The following VWA3B variants were observed in gnomAD, a reference collection of about 807,000 sequenced individuals.
The protein encoded by VWA3B is von Willebrand factor A domain-containing protein 3B.
VWA3B carries 138 observed loss-of-function variants against 158.3 expected under a neutral mutation model. The ratio of observed to expected loss-of-function variants is 0.87; its 90% confidence interval spans 0.76 to 1.00. The LOEUF (loss-of-function observed/expected upper bound fraction) is 1.00. VWA3B is among the 50% of genes least tolerant of loss of function. The probability of loss-of-function intolerance (pLI) is 0.00; values close to 1 mark genes in which losing one functional copy is unlikely to be tolerated. For synonymous variants in VWA3B, 596 were observed against 587.3 expected (o/e 1.01, Z -0.21); for missense variants, 1,555 against 1,565.1 (o/e 0.99, Z 0.11).
chr2:98,238,630 A>G (rs1266888078), intron 19 of VWA3B, among the ~76,000 whole-genome samples: 1 of 152,194 alleles, frequency 6.6e-6, no homozygotes, highest in African/African-American at 2.4e-5. Context: ...CAAGGAAGAA[A>G]CAATAAAGGA....
At chr2:98,275,366 A>G (rs560085218) in intron 22 of VWA3B, among the ~76,000 whole-genome samples, 4 of 152,290 alleles carry the variant, frequency 2.6e-5, no homozygotes, top group Admixed American at 2.6e-4. Flanking sequence ...GGAGTTTAGG[A>G]GAGAGGCCAG....
intron 13 of VWA3B, among the ~76,000 whole-genome samples, chr2:98,213,183 T>G (rs1014765072): frequency 6.6e-6 from 1 of 151,924 alleles, no homozygotes; most frequent in African/African-American, 2.4e-5. Context: ...TGGAAATATG[T>G]GGGGGGCTCA....
chr2:98,284,586 ATATAAC>A (rs1388290419), intron 22 of VWA3B, among the ~76,000 whole-genome samples: 1 of 152,232 alleles, frequency 6.6e-6, no homozygotes, highest in Admixed American at 6.5e-5. Context: ...TTTATTTATG[ATATAAC>A]TATAGCATGG....
At position 98,312,042 on chromosome 2, in the gene VWA3B, A is replaced by T; in HGVS notation, c.3735+10A>T. 6.3e-7 allele frequency: 1 copy of T among 1,592,084 alleles called. No homozygotes were observed. On this transcript the variant is annotated intron_variant, in intron 27 of 27. Transcript: ENST00000477737. ...ACACCCCGAGCCCAGGGTTTGGGTG[A>T]TGGGGGGGGAACACAACATCGCTTA...
At chr2:98,254,612 G>C (rs13422411) in intron 20 of VWA3B, among the ~76,000 whole-genome samples, 6,362 of 152,224 alleles carry the variant, frequency 0.042, 424 homozygotes, top group African/African-American at 0.14. Flanking sequence ...CTATCACTTA[G>C]AGCACATTTA....
chr2:98,099,961 C>T (rs183598216), intron 2 of VWA3B, among the ~76,000 whole-genome samples: 1 of 152,156 alleles, frequency 6.6e-6, no homozygotes, highest in African/African-American at 2.4e-5. Flanking sequence ...TTATGGTTTT[C>T]CTTATTTTGT....
At chr2:98,104,735 TC>T (rs1361692817) in intron 2 of VWA3B, among the ~76,000 whole-genome samples, 2 of 152,250 alleles carry the variant, frequency 1.3e-5, no homozygotes, top group Admixed American at 6.5e-5. Flanking sequence ...TCTGTGTTTC[TC>T]CTTTTGGCCT....
chr2:98,196,258 G>A (rs913309999), intron 12 of VWA3B, among the ~76,000 whole-genome samples: 1 of 152,110 alleles, frequency 6.6e-6, no homozygotes, highest in Non-Finnish European at 1.5e-5. Context: ...ATTGTCAAGA[G>A]AGTAAATTTT....
At chr2:98,213,391 G>A (rs530353065) in intron 13 of VWA3B, among the ~76,000 whole-genome samples, 8 of 152,306 alleles carry the variant, frequency 5.3e-5, no homozygotes, top group African/African-American at 1.9e-4. Context: ...AGGAAAGGCT[G>A]GCGCTGCCAT....
intron 8 of VWA3B, among the ~76,000 whole-genome samples, chr2:98,178,149 G>T (rs1455444278): frequency 6.6e-6 from 1 of 152,186 alleles, no homozygotes; most frequent in East Asian, 1.9e-4. Context: ...TGATGGGAGA[G>T]AGTGTGCAGG....
At chr2:98,170,212 C>T (rs1679464626) in intron 8 of VWA3B, among the ~76,000 whole-genome samples, 1 of 152,190 alleles carries the variant, frequency 6.6e-6, no homozygotes, top group African/African-American at 2.4e-5. Context: ...TGCTGCCTCT[C>T]AAAGCATTTC....
chr2:98,199,372 G>T (rs1243531105), intron 12 of VWA3B, among the ~76,000 whole-genome samples: 3 of 152,174 alleles, frequency 2.0e-5, no homozygotes, highest in African/African-American at 7.2e-5. Flanking sequence ...AAGGGCCTGA[G>T]ATTTTACCTT....
chr2:98,089,200 A>G (rs959197491), intron 1 of VWA3B, among the ~76,000 whole-genome samples: 3 of 152,116 alleles, frequency 2.0e-5, no homozygotes, highest in African/African-American at 7.2e-5. Flanking sequence ...AGTTTTATTC[A>G]TCTCAACTCT....
rs373474262 is a variant in VWA3B at position 98,185,622 on chromosome 2, G to A, written c.1312-2353G>A. Among the ~76,000 whole-genome samples the A allele has an allele frequency of 3.5e-4, 53 of 152,318 alleles. No homozygotes were observed. In the East Asian group the frequency reaches 5.8e-3, roughly 17 times the overall value. ...CTCTCTGCAGGTGAGCTTGCTTCCT[G>A]TGTTGTGAACATCGACGGGAATGTC... On this transcript the variant is annotated intron_variant, in intron 9 of 27. Coordinates refer to ENST00000477737, the MANE Select transcript of VWA3B (RefSeq NM_144992.5).
chr2:98,146,241 C>G (rs928677783), intron 7 of VWA3B, among the ~76,000 whole-genome samples: 10 of 152,134 alleles, frequency 6.6e-5, no homozygotes, highest in Non-Finnish European at 1.3e-4. Flanking sequence ...GGTAGTTTTA[C>G]TGCTCTTTTC....
chr2:98,185,835 A>G (rs1680994991), intron 9 of VWA3B, among the ~76,000 whole-genome samples: 1 of 152,208 alleles, frequency 6.6e-6, no homozygotes, highest in South Asian at 2.1e-4. Flanking sequence ...GATAATTCGC[A>G]TCAGCACACA....
chr2:98,088,960 GC>G (rs1270587163), intron 1 of VWA3B, among the ~76,000 whole-genome samples: 8 of 151,974 alleles, frequency 5.3e-5, no homozygotes, highest in Non-Finnish European at 8.8e-5. Flanking sequence ...CACCATGTTG[GC>G]CAGGCTGGTC....
At chr2:98,326,065 G>T in the VWA3B span, among the ~76,000 whole-genome samples, 1 of 152,126 alleles carries the variant, frequency 6.6e-6, no homozygotes, top group African/African-American at 2.4e-5. Context: ...ATTTGGAAAT[G>T]AGACATATAT....
At chr2:98,118,693 C>T (rs1237243998) in intron 3 of VWA3B, among the ~76,000 whole-genome samples, 5 of 152,110 alleles carry the variant, frequency 3.3e-5, no homozygotes, top group Non-Finnish European at 7.3e-5. Flanking sequence ...CTCTTTGGGT[C>T]CCCTCCCTTT....
Sources: allele counts gnomAD v4.1 joint callset (sites outside exome capture counted in the v4.1 genomes callset), GRCh38; gene constraint gnomAD v4.1.1; transcripts MANE v1.5; gene names NCBI Gene and HGNC (gene_info 2026-07-23, HGNC 2026-07-21).